The following WDFY4 variants were observed in gnomAD, a reference collection of about 807,000 sequenced individuals.
The protein encoded by WDFY4 is WD repeat- and FYVE domain-containing protein 4.
WDFY4 carries 169 observed loss-of-function variants against 351.9 expected under a neutral mutation model. That is an observed-to-expected ratio of 0.48 (90% CI 0.42 to 0.55). The LOEUF is 0.55. WDFY4 is among the 20% of genes least tolerant of loss of function. WDFY4 has a pLI of 0.00. For missense variants in WDFY4, 3,803 were observed against 3,935.6 expected, an observed-to-expected ratio of 0.97 and a Z score of 0.90; for synonymous variants, 1,622 against 1,574.6, an observed-to-expected ratio of 1.03 and a Z score of -0.71.
At chr10:48,706,326 A>G (rs1405417521) in intron 1 of WDFY4, among the ~76,000 whole-genome samples, 1 of 152,126 alleles carries the variant, frequency 6.6e-6, no homozygotes, top group Non-Finnish European at 1.5e-5. Context: ...CTCAGTGGTA[A>G]TTAGAGCCAT....
intron 13 of WDFY4, among the ~76,000 whole-genome samples, chr10:48,771,998 G>GT (rs1210657900): frequency 6.6e-6 from 1 of 152,170 alleles, no homozygotes; most frequent in Admixed American, 6.5e-5. Context: ...CTTCACTTTG[G>GT]TGGTCTAGAA....
At chr10:48,908,055 C>T (rs963475079) in intron 47 of WDFY4, among the ~76,000 whole-genome samples, 11 of 152,320 alleles carry the variant, frequency 7.2e-5, no homozygotes, top group Admixed American at 3.3e-4. Context: ...AGACCTTGGC[C>T]GTGGCCCCAT....
chr10:48,751,468 A>G (rs1040799933), intron 12 of WDFY4, among the ~76,000 whole-genome samples: 1 of 152,180 alleles, frequency 6.6e-6, no homozygotes, highest in Non-Finnish European at 1.5e-5. Context: ...CCTTCCAGGG[A>G]TGGCAGTAGC....
At chr10:48,779,261 C>T (rs915133646) in intron 18 of WDFY4, among the ~76,000 whole-genome samples, 3 of 152,240 alleles carry the variant, frequency 2.0e-5, no homozygotes, top group African/African-American at 7.2e-5. Context: ...ATATGCTCAA[C>T]CCCAAACCCA....
chr10:48,837,208 C>CA (rs2068431186), intron 39 of WDFY4, among the ~76,000 whole-genome samples: 1 of 151,462 alleles, frequency 6.6e-6, no homozygotes, highest in South Asian at 2.1e-4. Flanking sequence ...AGGAAGGGGC[C>CA]ATGGAGGAGG....
chr10:48,868,047 C>T (rs559654444), intron 40 of WDFY4, among the ~76,000 whole-genome samples: 2 of 152,196 alleles, frequency 1.3e-5, no homozygotes, highest in Admixed American at 6.5e-5. Context: ...GGGAAAGGAG[C>T]GATGGGGTAT....
At position 48,982,784 on chromosome 10, in the gene WDFY4, G is replaced by A. The variant is rs774250970; in HGVS notation, c.*209G>A. On this transcript the variant is annotated 3_prime_UTR_variant, in exon 62 of 62. Coordinates refer to ENST00000325239, the MANE Select transcript of WDFY4 (RefSeq NM_001394531.1). ...ATGAAAAGGATGAGCACACACACTC[G>A]GAGGGCTGAGCAGCACGCTGGAAAC... The A allele has an allele frequency of 8.3e-6, 5 of 605,698 alleles. No individual in the cohort carries two copies. The highest frequency in any genetic ancestry group is 4.3e-5 in the Admixed American group (2 of 46,240). 37.5% of individuals were successfully genotyped at this position (605,698 alleles called of 1,614,324 possible).
intron 1 of WDFY4, among the ~76,000 whole-genome samples, chr10:48,709,509 C>G (rs1214037437): frequency 2.0e-5 from 3 of 152,178 alleles, no homozygotes; most frequent in Non-Finnish European, 4.4e-5. Context: ...CAGTGCTGGG[C>G]ACACACTAGA....
intron 43 of WDFY4, among the ~76,000 whole-genome samples, chr10:48,877,800 C>A (rs2070086621): frequency 6.6e-6 from 1 of 152,200 alleles, no homozygotes; most frequent in Non-Finnish European, 1.5e-5. Context: ...TCCTGGGTGC[C>A]TGGAGCTGGG....
intron 49 of WDFY4, among the ~76,000 whole-genome samples, chr10:48,945,298 C>T (rs1840984495): frequency 6.6e-6 from 1 of 152,120 alleles, no homozygotes; most frequent in South Asian, 2.1e-4. Context: ...ATCACTTGAG[C>T]TCAGGAGGTC....
intron 57 of WDFY4, among the ~76,000 whole-genome samples, chr10:48,973,304 C>T (rs1842413615): frequency 6.6e-6 from 1 of 152,330 alleles, no homozygotes; most frequent in Non-Finnish European, 1.5e-5. Context: ...TCTGCTTTCT[C>T]CTGCTCACTT....
chr10:48,814,166 G>C, intron 31 of WDFY4, 84 bp downstream of exon 31: 1 of 1,425,264 alleles, frequency 7.0e-7, no homozygotes, highest in Non-Finnish European at 9.3e-7. Flanking sequence ...TTTTCTCTTA[G>C]CATCTTCCCA....
chr10:48,782,421 A>T (rs2066257426), intron 19 of WDFY4, among the ~76,000 whole-genome samples: 1 of 152,258 alleles, frequency 6.6e-6, no homozygotes. Context: ...ATGTGCAGCC[A>T]CAGGAGGAAC....
intron 47 of WDFY4, among the ~76,000 whole-genome samples, chr10:48,940,343 T>C (rs562859353): frequency 6.6e-6 from 1 of 152,356 alleles, no homozygotes; most frequent in East Asian, 1.9e-4. Flanking sequence ...CCCAAATAGA[T>C]GACTTCTCTA....
chr10:48,715,557 A>C (rs1263851221), intron 2 of WDFY4, among the ~76,000 whole-genome samples: 1 of 152,240 alleles, frequency 6.6e-6, no homozygotes, highest in African/African-American at 2.4e-5. Context: ...CCAAGTGTGG[A>C]TCTAACTGAT....
chr10:48,867,312 A>G lies in WDFY4; in HGVS notation c.6711A>G (p.Leu2237=), dbSNP rs1435937341. ...IENYRRRGQE[L]YASLYKDHVQ... Reference sequence around the variant, plus strand: ...ACTACAGAAGAAGAGGACAAGAGCTATATGCATCTTTATACAAAGACCATG... The same window carrying G: ...ACTACAGAAGAAGAGGACAAGAGCTGTATGCATCTTTATACAAAGACCATG... The change falls in exon 40 of 62, where the codon CTA becomes CTG. Residue 2237 remains leucine, a synonymous_variant. Coordinates refer to ENST00000325239, the MANE Select transcript of WDFY4 (RefSeq NM_001394531.1). 2.7e-6 allele frequency: 4 copies of G among 1,505,394 alleles called. No individual in the cohort carries two copies. The highest frequency in any genetic ancestry group is 2.7e-5 in the South Asian group (2 of 75,442). 93.3% of individuals were successfully genotyped at this position (1,505,394 alleles called of 1,614,324 possible).
At chr10:48,759,953 A>G (rs1169220942) in intron 12 of WDFY4, among the ~76,000 whole-genome samples, 6 of 152,074 alleles carry the variant, frequency 3.9e-5, no homozygotes, top group Non-Finnish European at 5.9e-5. Flanking sequence ...TGCTTACACC[A>G]TTTTGAAGGG....
At chr10:48,699,811 G>A (rs1409293793) in intron 1 of WDFY4, among the ~76,000 whole-genome samples, 1 of 152,176 alleles carries the variant, frequency 6.6e-6, no homozygotes, top group African/African-American at 2.4e-5. Context: ...ATCAGGGCTT[G>A]CAGTAATGCT....
At chr10:48,877,225 T>G (rs1183434774) in intron 43 of WDFY4, 26 bp downstream of exon 43, 2 of 1,535,174 alleles carry the variant, frequency 1.3e-6, no homozygotes, top group African/African-American at 2.8e-5. Context: ...GCAATAGCCT[T>G]TAAGATTTTT....
Sources: gnomAD v4.1 joint callset for allele counts (sites outside exome capture counted in the v4.1 genomes callset) on GRCh38, gnomAD v4.1.1 for gene constraint, MANE v1.5 for transcripts, NCBI Gene and HGNC (gene_info 2026-07-23, HGNC 2026-07-21) for gene names.